The following OR13A1 variants were observed in gnomAD, a reference collection of about 807,000 sequenced individuals.
OR13A1 encodes the protein olfactory receptor 13A1.
OR13A1 carries 10 observed loss-of-function variants against 7.5 expected under a neutral mutation model. That is an observed-to-expected ratio of 1.34 (90% CI 0.83 to 2.27). The LOEUF is 2.27. Among genes scored for constraint, OR13A1 ranks in the 30% most tolerant of loss-of-function variants. The pLI, the probability that OR13A1 is intolerant of heterozygous loss-of-function variation, is 0.00. For synonymous variants in OR13A1, 238 were observed against 177.9 expected (o/e 1.34, Z -2.69); for missense variants, 509 against 419.1 (o/e 1.21, Z -1.87).
Position 45,304,349 on chromosome 10 carries a change from G to C in OR13A1, c.74C>G (p.Thr25Arg), listed in dbSNP as rs116514452. The C allele has an allele frequency of 1.2e-6, 2 of 1,614,064 alleles. No homozygotes were observed. Among genetic ancestry groups the C allele is most frequent in the Non-Finnish European group, 1.7e-6 (2 of 1,179,976 alleles). Residue 25 changes from threonine to arginine, a missense_variant, in exon 4 of 4, where the codon ACG (threonine) becomes AGG (arginine). Thr to Arg is a moderately conservative substitution (Grantham distance 71). Coordinates refer to ENST00000553795, the MANE Select transcript of OR13A1 (RefSeq NM_001004297.3). ...RPSPRMMSNQ[T>R]LVTEFILQGF... is the part of the protein sequence containing the mutation. ...CTGCAGGATGAACTCGGTTACCAAC[G>C]TCTGGTTACTCATCATCCTTGGGCT...
In OR13A1 at chr10:45,304,348, C is replaced by T. The variant is rs116361000; in HGVS notation, c.75G>A (p.Thr25=). The change falls in exon 4 of 4, where the codon ACG becomes ACA. Residue 25 remains threonine, a synonymous_variant. Transcript: ENST00000553795. ...RPSPRMMSNQ[T]LVTEFILQGF... ...CCTGCAGGATGAACTCGGTTACCAA[C>T]GTCTGGTTACTCATCATCCTTGGGC... is the stretch of plus-strand genomic sequence containing the variant. 19 of 1,614,018 alleles carry T rather than the reference C, an allele frequency of 1.2e-5. 1 individual carries two copies. The South Asian group carries it at 1.3e-4, about 11-fold the overall frequency.
intron 1 of OR13A1, among the ~76,000 whole-genome samples, chr10:45,308,275 T>A (rs1838377211): frequency 1.3e-5 from 2 of 152,242 alleles, no homozygotes; most frequent in Admixed American, 1.3e-4. Context: ...GTCATAAATG[T>A]ATCTAAATAA....
chr10:45,310,980 CT>C (rs2133045682), intron 1 of OR13A1, among the ~76,000 whole-genome samples: 1 of 152,206 alleles, frequency 6.6e-6, no homozygotes, highest in African/African-American at 2.4e-5. Context: ...GAGAAAAATG[CT>C]TTGTAGAGTT....
chr10:45,303,889 C>G lies in OR13A1; in HGVS notation c.534G>C (p.Thr178=), dbSNP rs144324031. 6.8e-6 allele frequency: 11 copies of G among 1,613,336 alleles called. No homozygotes were observed. The highest frequency in any genetic ancestry group is 9.3e-6 in the Non-Finnish European group (11 of 1,180,042). The change falls in exon 4 of 4, where the codon ACG becomes ACC. Residue 178 remains threonine, a synonymous_variant. Transcript: ENST00000553795. ...LLCAVNTAIH[T]GLMLRLDFCG... ...AGAAATCCAAGCGCAGCATCAGCCCCGTGTGGATGGCCGTGTTGACGGCGC... is the reference window on the plus strand; with the variant it reads ...AGAAATCCAAGCGCAGCATCAGCCCGGTGTGGATGGCCGTGTTGACGGCGC...
chr10:45,308,173 T>C (rs538384076), intron 1 of OR13A1, among the ~76,000 whole-genome samples: 7 of 152,308 alleles, frequency 4.6e-5, no homozygotes, highest in Admixed American at 6.5e-5. Context: ...AACAGAAAAC[T>C]AAAAATCAGA....
intron 1 of OR13A1, among the ~76,000 whole-genome samples, chr10:45,311,491 A>G (rs1184603843): frequency 6.6e-6 from 1 of 152,184 alleles, no homozygotes; most frequent in Non-Finnish European, 1.5e-5. Flanking sequence ...AGGTATCCAT[A>G]TTGCGACAGG....
chr10:45,306,322 G>A (rs1166690510), intron 3 of OR13A1, among the ~76,000 whole-genome samples: 5 of 151,970 alleles, frequency 3.3e-5, no homozygotes, highest in South Asian at 2.1e-4. Flanking sequence ...GCGTGGTGGC[G>A]GGCGCCTGTA....
Position 45,303,870 on chromosome 10 carries a change from C to A in OR13A1, c.553G>T (p.Asp185Tyr). Reference protein sequence around the residue: ...AIHTGLMLRLDFCGPNVIIHF... With the variant: ...AIHTGLMLRLYFCGPNVIIHF... ...ATAATGACATTGGGGCCACAGAAAT[C>A]CAAGCGCAGCATCAGCCCCGTGTGG... Residue 185 changes from aspartate (D) to tyrosine (Y), a missense_variant, in exon 4 of 4, where the codon GAT (aspartate) becomes TAT (tyrosine). Coordinates refer to ENST00000553795, the MANE Select transcript of OR13A1 (RefSeq NM_001004297.3). The A allele has an allele frequency of 6.2e-7, 1 of 1,612,990 alleles. No homozygotes were observed.
Position 45,310,949 on chromosome 10 carries a change from C to T in OR13A1, c.-224-3141G>A, listed in dbSNP as rs1414880261. 4.6e-5 allele frequency among the ~76,000 whole-genome samples: 7 copies of T among 152,152 alleles called. 1 individual carries two copies. The South Asian group carries it at 1.2e-3, about 27-fold the overall frequency. The stretch of plus-strand genomic sequence containing the variant: ...GGAACCCTGAAAAATTATGCAGAAC[C>T]CCAAAAGTTCCCATTTGATGGAGAA... On this transcript the variant is annotated intron_variant, in intron 1 of 3. Transcript: ENST00000553795.
chr10:45,308,333 T>C (rs1410509426), intron 1 of OR13A1, among the ~76,000 whole-genome samples: 5 of 152,252 alleles, frequency 3.3e-5, no homozygotes, highest in Non-Finnish European at 5.9e-5. Flanking sequence ...GTATCTAGGC[T>C]CAAGGCTGTG....
Position 45,304,024 on chromosome 10 carries a change from G to A in OR13A1, c.399C>T (p.Leu133=). 1 of 1,613,140 alleles carries A rather than the reference G, an allele frequency of 6.2e-7. No individual in the cohort carries two copies. Residue 133 remains leucine (L), a synonymous_variant, in exon 4 of 4, where the codon CTC becomes CTT. Transcript: ENST00000553795. ...TWAASSELLL[L]TVMAYDRYAA... is the part of the protein sequence containing the mutation. The stretch of plus-strand genomic sequence containing the variant: ...CGTACCGGTCATAGGCCATGACCGT[G>A]AGGAGCAGCAGCTCTGAGGATGCAG...
intron 1 of OR13A1, among the ~76,000 whole-genome samples, chr10:45,308,042 T>A (rs960620422): frequency 6.6e-6 from 1 of 152,234 alleles, no homozygotes; most frequent in Non-Finnish European, 1.5e-5. Context: ...AATGGAGAAC[T>A]TGACTCATTT....
At chr10:45,306,145 C>A (rs1430044052) in intron 3 of OR13A1, among the ~76,000 whole-genome samples, 1 of 152,182 alleles carries the variant, frequency 6.6e-6, no homozygotes, top group African/African-American at 2.4e-5. Flanking sequence ...TCCCTTTCAA[C>A]TCTTTATTCA....
Position 45,315,133 on chromosome 10 carries a change from T to C in OR13A1, c.-225+391A>G, listed in dbSNP as rs149140980. 5.9e-3 allele frequency among the ~76,000 whole-genome samples: 896 copies of C among 152,276 alleles called. 6 individuals are homozygous for C. Among genetic ancestry groups the C allele is most frequent in the African/African-American group, 0.019 (809 of 41,546 alleles). On this transcript the variant is annotated intron_variant, in intron 1 of 3. Transcript: ENST00000553795. ...CAATATTTGTGATGATCAGGTTGGCTTTATTCCTGGAATGCAAGAATGATA... is the reference window on the plus strand; with the variant it reads ...CAATATTTGTGATGATCAGGTTGGCCTTATTCCTGGAATGCAAGAATGATA...
chr10:45,303,175 G>A lies in OR13A1; in HGVS notation c.*261C>T, dbSNP rs1838242383. ...ACAAGGAACACTTTTCTCCTCCTAG[G>A]CCCTGTGTTTCTCTGCCAACTCAGC... On this transcript the variant is annotated 3_prime_UTR_variant, in exon 4 of 4. Coordinates refer to ENST00000553795, the MANE Select transcript of OR13A1 (RefSeq NM_001004297.3). The A allele has an allele frequency of 2.2e-6, 1 of 457,282 alleles. No homozygotes were observed. Among genetic ancestry groups the A allele is most frequent in the Admixed American group, 3.8e-5 (1 of 26,034 alleles). 28.3% of individuals were successfully genotyped at this position (457,282 alleles called of 1,614,324 possible). A position where few individuals can be genotyped will look rare whatever the true frequency, so the allele number is the denominator to read the frequency against.
At position 45,304,132 on chromosome 10, in the gene OR13A1, G is replaced by T. The variant is rs1206395754; in HGVS notation, c.291C>A (p.Pro97=). ...CCGACACCAGACTGGCCAGCGCCTT[G>T]GGCATGATGGAAGAGGTGCAGATAA... ...MDIICTSSIM[P]KALASLVSEE... is the part of the protein sequence containing the mutation. Residue 97 remains proline, a synonymous_variant, in exon 4 of 4, where the codon CCC becomes CCA. Coordinates refer to ENST00000553795, the MANE Select transcript of OR13A1 (RefSeq NM_001004297.3). 1 of 1,614,188 alleles carries T rather than the reference G, an allele frequency of 6.2e-7. No homozygotes were observed.
intron 1 of OR13A1, among the ~76,000 whole-genome samples, chr10:45,311,524 A>G (rs567653147): frequency 1.2e-4 from 19 of 152,334 alleles, no homozygotes; most frequent in Non-Finnish European, 1.5e-5. Context: ...TATCCATACT[A>G]GGTATAATTT....
At position 45,303,243 on chromosome 10, in the gene OR13A1, A is replaced by G. The variant is rs1324343477; in HGVS notation, c.*193T>C. 15 of 599,824 alleles carry G rather than the reference A, an allele frequency of 2.5e-5. No homozygotes were observed. Among genetic ancestry groups the G allele is most frequent in the Non-Finnish European group, 4.1e-5 (14 of 344,712 alleles). 37.2% of individuals were successfully genotyped at this position (599,824 alleles called of 1,614,324 possible). A position where few individuals can be genotyped will look rare whatever the true frequency, so the allele number is the denominator to read the frequency against. ...GTCAGACCAAGAGATCTGGTGTCTC[A>G]GAGGCTGGTGGGTCACACCTACCGC... On this transcript the variant is annotated 3_prime_UTR_variant, in exon 4 of 4. Transcript: ENST00000553795.
intron 3 of OR13A1, among the ~76,000 whole-genome samples, chr10:45,306,734 G>C (rs1463530107): frequency 1.3e-5 from 2 of 152,112 alleles, no homozygotes; most frequent in Non-Finnish European, 2.9e-5. Context: ...GAGCAATAAG[G>C]CTATATTAGC....
Sources: allele counts gnomAD v4.1 joint callset (sites outside exome capture counted in the v4.1 genomes callset), GRCh38; gene constraint gnomAD v4.1.1; transcripts MANE v1.5; gene names NCBI Gene and HGNC (gene_info 2026-07-23, HGNC 2026-07-21).